Variants in MACROD2 observed in about 807,000 individuals in gnomAD.
MACROD2 encodes the protein mono-ADP ribosylhydrolase 2, also known as ADP-ribose glycohydrolase MACROD2.
MACROD2 carries 36 observed loss-of-function variants against 70.4 expected under a neutral mutation model. The ratio of observed to expected loss-of-function variants is 0.51; its 90% CI spans 0.39 to 0.68. MACROD2 has a LOEUF of 0.68. Among genes scored for constraint, MACROD2 ranks in the 30% least tolerant of loss-of-function variants. MACROD2 has a pLI of 0.00. For missense variants in MACROD2, 496 were observed against 538.4 expected (o/e 0.92, Z 0.78); for synonymous variants, 172 against 178.8 (o/e 0.96, Z 0.30).
intron 5 of MACROD2, among the ~76,000 whole-genome samples, chr20:15,227,831 T>TTTGTTG (rs2076922308): frequency 7.9e-6 from 1 of 126,022 alleles, no homozygotes; most frequent in Non-Finnish European, 1.7e-5. Context: ...CTGTTTTTTT[T>TTTGTTG]TTTTTTTTTT....
intron 10 of MACROD2, among the ~76,000 whole-genome samples, chr20:15,907,999 T>C (rs1164378681): frequency 6.6e-6 from 1 of 152,226 alleles, no homozygotes; most frequent in Non-Finnish European, 1.5e-5. Context: ...TTTTAGACAT[T>C]CTTTTTCTAA....
intron 10 of MACROD2, among the ~76,000 whole-genome samples, chr20:15,889,499 C>G (rs760327864): frequency 1.7e-4 from 26 of 152,108 alleles, no homozygotes; most frequent in Non-Finnish European, 3.5e-4. Context: ...GCTCCTGTCT[C>G]CAGACTTTTA....
At chr20:15,171,224 A>G (rs2076419894) in intron 5 of MACROD2, among the ~76,000 whole-genome samples, 1 of 151,188 alleles carries the variant, frequency 6.6e-6, no homozygotes, top group African/African-American at 2.4e-5. Flanking sequence ...TTCCTCCATC[A>G]CTTTCCCTCC....
intron 3 of MACROD2, among the ~76,000 whole-genome samples, chr20:14,168,624 C>G (rs567835737): frequency 6.6e-6 from 1 of 152,130 alleles, no homozygotes; most frequent in Non-Finnish European, 1.5e-5. Context: ...TTGTACAGTT[C>G]TATGGGCTTT....
At chr20:15,023,422 G>A (rs568525980) in intron 5 of MACROD2, among the ~76,000 whole-genome samples, 41 of 152,070 alleles carry the variant, frequency 2.7e-4, no homozygotes, top group Non-Finnish European at 5.9e-4. Context: ...CCCAGAGAGG[G>A]CATGCTTTCC....
chr20:15,107,891 A>G (rs923044102), intron 5 of MACROD2, among the ~76,000 whole-genome samples: 1 of 152,120 alleles, frequency 6.6e-6, no homozygotes, highest in Admixed American at 6.5e-5. Context: ...TTCCAAAGAC[A>G]TGGACTAATT....
In MACROD2 at chr20:14,902,491, A is replaced by G. The variant is rs573903273; in HGVS notation, c.418+217532A>G. ...TCTTCCTGAGGCATTCTTTCAGAAA[A>G]CTAGCATTTACCCTCCCCATACCAC... On this transcript the variant is annotated intron_variant, in intron 5 of 17. Transcript: ENST00000684519. Among the ~76,000 whole-genome samples, 38 of 152,288 alleles carry G rather than the reference A, an allele frequency of 2.5e-4. 1 individual carries two copies. In the South Asian group the frequency reaches 7.5e-3, roughly 30 times the overall value.
At chr20:14,378,398 G>T (rs1326526505) in intron 3 of MACROD2, among the ~76,000 whole-genome samples, 3 of 152,068 alleles carry the variant, frequency 2.0e-5, no homozygotes, top group Non-Finnish European at 4.4e-5. Context: ...CCTAGTTGTA[G>T]CTCACATAAA....
intron 4 of MACROD2, among the ~76,000 whole-genome samples, chr20:14,548,138 A>G (rs1297472217): frequency 1.3e-5 from 2 of 152,210 alleles, no homozygotes; most frequent in African/African-American, 4.8e-5. Flanking sequence ...TATTGGGGCC[A>G]TATTTGGAGA....
chr20:15,773,424 C>G (rs1008369622), intron 8 of MACROD2, among the ~76,000 whole-genome samples: 1 of 152,074 alleles, frequency 6.6e-6, no homozygotes, highest in Non-Finnish European at 1.5e-5. Flanking sequence ...TCTGACATCT[C>G]ATTTTACTCT....
intron 7 of MACROD2, among the ~76,000 whole-genome samples, chr20:15,476,793 G>A (rs911485539): frequency 2.6e-5 from 4 of 152,286 alleles, no homozygotes; most frequent in South Asian, 4.1e-4. Context: ...GTCTTCAGGT[G>A]TTTGAAAATC....
At chr20:15,787,097 G>C (rs1357911635) in intron 8 of MACROD2, among the ~76,000 whole-genome samples, 1 of 151,734 alleles carries the variant, frequency 6.6e-6, no homozygotes, top group Non-Finnish European at 1.5e-5. Context: ...TCAGCCTCTC[G>C]AGTAGTTGTG....
chr20:14,933,348 G>T (rs2074312963), intron 5 of MACROD2, among the ~76,000 whole-genome samples: 1 of 152,150 alleles, frequency 6.6e-6, no homozygotes, highest in Admixed American at 6.5e-5. Context: ...TCTTAGCACA[G>T]AAATAAAATA....
intron 3 of MACROD2, among the ~76,000 whole-genome samples, chr20:14,210,554 A>AT (rs1048540792): frequency 2.6e-5 from 4 of 152,008 alleles, no homozygotes; most frequent in African/African-American, 7.3e-5. Context: ...CCTGAGAAGA[A>AT]TTTTTTTTAC....
At chr20:14,002,110 G>GTAATATGAAATTTAACATTTTTTAACAT (rs2052739864) in intron 1 of MACROD2, among the ~76,000 whole-genome samples, 178 bp from the exon 2 acceptor site, 1 of 152,042 alleles carries the variant, frequency 6.6e-6, no homozygotes, top group South Asian at 2.1e-4. Context: ...TTCTCCCCTG[G>GTAATATGAAATTTAACATTTTTTAACAT]TAATATGAAA....
chr20:15,421,033 C>T (rs1454821270), intron 6 of MACROD2, among the ~76,000 whole-genome samples: 1 of 152,122 alleles, frequency 6.6e-6, no homozygotes, highest in Non-Finnish European at 1.5e-5. Context: ...CCAAAGTGAG[C>T]TGTGATAGTA....
intron 5 of MACROD2, among the ~76,000 whole-genome samples, chr20:14,941,998 C>G (rs761668328): frequency 9.9e-5 from 15 of 151,130 alleles, no homozygotes; most frequent in Non-Finnish European, 2.2e-4. Flanking sequence ...GGGGTTTCGC[C>G]GTGTTGTTCA....
intron 5 of MACROD2, among the ~76,000 whole-genome samples, chr20:15,007,180 T>C (rs2075044939): frequency 6.6e-6 from 1 of 151,828 alleles, no homozygotes. Flanking sequence ...CTGGCTAACA[T>C]GGTGAAACCT....
At chr20:14,880,909 C>T (rs937522573) in intron 5 of MACROD2, among the ~76,000 whole-genome samples, 7 of 152,194 alleles carry the variant, frequency 4.6e-5, no homozygotes, top group East Asian at 1.9e-4. Flanking sequence ...TGCCGCCCAG[C>T]GTGGGCAGCT....
Sources: gnomAD v4.1 joint callset for allele counts (sites outside exome capture counted in the v4.1 genomes callset) on GRCh38, gnomAD v4.1.1 for gene constraint, MANE v1.5 for transcripts, NCBI Gene and HGNC (gene_info 2026-07-23, HGNC 2026-07-21) for gene names.